Variants in ADCK1 observed in about 807,000 individuals in gnomAD.
The protein encoded by ADCK1 is aarF domain containing kinase 1, also known as aarF domain-containing protein kinase 1.
ADCK1 carries 41 observed loss-of-function variants against 52.3 expected under a neutral mutation model. The ratio of observed to expected loss-of-function variants is 0.78; its 90% CI spans 0.61 to 1.02. ADCK1 has a LOEUF of 1.02. Among genes scored for constraint, ADCK1 ranks in the 50% least tolerant of loss-of-function variants. ADCK1 has a pLI of 0.00. For missense variants in ADCK1, 658 were observed against 679.5 expected (o/e 0.97, Z 0.35); for synonymous variants, 250 against 274.6 (o/e 0.91, Z 0.89).
chr14:77,813,017 T>G (rs1477470933), intron 1 of ADCK1, among the ~76,000 whole-genome samples: 1 of 152,110 alleles, frequency 6.6e-6, no homozygotes, highest in Non-Finnish European at 1.5e-5. Context: ...AAATTTTTTT[T>G]TTGAGGCGAA....
chr14:77,894,736 G>GTTTTTTTT lies in ADCK1; in HGVS notation c.583-4343_583-4336dup. ...TTATTTCTTTTTCTTTTCTTTTCTT[G>GTTTTTTTT]TTTTTTTTTTTTTTTTTTTTTTTTT... On this transcript the variant is annotated intron_variant, in intron 5 of 10. Transcript: ENST00000238561. Among the ~76,000 whole-genome samples, 38 of 36,470 alleles carry GTTTTTTTT rather than the reference G, an allele frequency of 1.0e-3. 3 individuals carry two copies. Among genetic ancestry groups the GTTTTTTTT allele is most frequent in the African/African-American group, 2.3e-3 (31 of 13,282 alleles). 23.9% of individuals were successfully genotyped at this position (36,470 alleles called of 152,430 possible). A position where few individuals can be genotyped will look rare whatever the true frequency, so the allele number is the denominator to read the frequency against.
rs1566667179 is a variant in ADCK1 at position 77,852,669 on chromosome 14, A to ATATATATTTATATATATATATATATAT, written c.220-6400_220-6399insTTATATATATATATATATATTATATAT. On this transcript the variant is annotated intron_variant, in intron 3 of 10. Coordinates refer to ENST00000238561, the MANE Select transcript of ADCK1 (RefSeq NM_020421.4). ...TTTCTTTAAATAAATAAATATATAT[A>ATATATATTTATATATATATATATATAT]TATATATATATATATATATATATAT... Among the ~76,000 whole-genome samples, 63 of 9,408 alleles carry ATATATATTTATATATATATATATATAT rather than the reference A, an allele frequency of 6.7e-3. No homozygotes were observed. In the East Asian group the frequency reaches 0.14, roughly 21 times the overall value. 6.2% of individuals were successfully genotyped at this position (9,408 alleles called of 152,430 possible).
chr14:77,853,240 C>T lies in ADCK1; in HGVS notation c.220-5836C>T, dbSNP rs371744667. On this transcript the variant is annotated intron_variant, in intron 3 of 10. Transcript: ENST00000238561. ...TCTCAAGCAATTGTCCTGCCTCTGCCTCCCAAGTAGCTGGGATTTCAGGTG... is the reference window on the plus strand; with the variant it reads ...TCTCAAGCAATTGTCCTGCCTCTGCTTCCCAAGTAGCTGGGATTTCAGGTG... 5.7e-4 allele frequency among the ~76,000 whole-genome samples: 87 copies of T among 152,026 alleles called. No homozygotes were observed. In the South Asian group the frequency reaches 0.017, roughly 29 times the overall value.
chr14:77,849,674 A>G (rs1397198478), intron 3 of ADCK1, among the ~76,000 whole-genome samples: 1 of 150,340 alleles, frequency 6.7e-6, no homozygotes, highest in Non-Finnish European at 1.5e-5. Flanking sequence ...CTGCTCTCGA[A>G]CTCCTGGCCT....
chr14:77,865,407 C>T (rs1256890307), intron 4 of ADCK1, among the ~76,000 whole-genome samples: 2 of 152,098 alleles, frequency 1.3e-5, no homozygotes, highest in Admixed American at 6.6e-5. Context: ...CCCTTGAACC[C>T]GGGAGGTGGA....
intron 7 of ADCK1, among the ~76,000 whole-genome samples, chr14:77,912,214 A>G (rs191061835): frequency 3.7e-4 from 56 of 152,248 alleles, no homozygotes; most frequent in African/African-American, 1.2e-3. Context: ...TAGGCTTTGC[A>G]TGACTTGGTA....
chr14:77,846,409 G>A (rs538603869), intron 3 of ADCK1, among the ~76,000 whole-genome samples: 27 of 152,314 alleles, frequency 1.8e-4, no homozygotes, highest in Middle Eastern at 3.4e-3. Context: ...GGGACCCAGG[G>A]AAGCCTTGAG....
chr14:77,820,099 GAAAC>G (rs1403382467), intron 2 of ADCK1, among the ~76,000 whole-genome samples: 1 of 152,142 alleles, frequency 6.6e-6, no homozygotes. Context: ...TTGAGGGGCA[GAAAC>G]AAACTGTCCC....
chr14:77,852,879 GTGTGTATATATATATATA>G (rs2082329893), intron 3 of ADCK1, among the ~76,000 whole-genome samples: 1 of 30,600 alleles, frequency 3.3e-5, no homozygotes, highest in Non-Finnish European at 6.2e-5. Flanking sequence ...AATCTTTTAT[GTGTGTATATATATATATA>G]TATATATATA....
intron 3 of ADCK1, among the ~76,000 whole-genome samples, chr14:77,828,544 T>C (rs1325934660): frequency 6.6e-6 from 1 of 152,182 alleles, no homozygotes; most frequent in African/African-American, 2.4e-5. Context: ...ATTATTGTTA[T>C]TATTATTAAG....
intron 3 of ADCK1, among the ~76,000 whole-genome samples, chr14:77,844,574 A>G (rs2082138863): frequency 6.6e-6 from 1 of 152,184 alleles, no homozygotes; most frequent in African/African-American, 2.4e-5. Flanking sequence ...AGGTCCACCA[A>G]GAGCAGACTC....
chr14:77,884,062 C>T (rs183642072), intron 4 of ADCK1, among the ~76,000 whole-genome samples: 43 of 152,310 alleles, frequency 2.8e-4, no homozygotes, highest in Middle Eastern at 3.4e-3. Context: ...CCTAGTGATG[C>T]CATGTCACTC....
intron 2 of ADCK1, 143 bp downstream of exon 2, chr14:77,819,256 G>T (rs1194708809): frequency 9.6e-6 from 11 of 1,141,702 alleles, no homozygotes; most frequent in Non-Finnish European, 1.1e-5. Context: ...ATCTGCACAG[G>T]TGTACACATA....
chr14:77,814,133 C>G (rs1235756687), intron 1 of ADCK1, among the ~76,000 whole-genome samples: 2 of 151,544 alleles, frequency 1.3e-5, no homozygotes, highest in Non-Finnish European at 2.9e-5. Flanking sequence ...GGCTGGGGTG[C>G]AGTGGCGCAA....
intron 5 of ADCK1, among the ~76,000 whole-genome samples, chr14:77,898,673 A>T (rs2083463828): frequency 6.6e-6 from 1 of 152,174 alleles, no homozygotes; most frequent in South Asian, 2.1e-4. Flanking sequence ...GAGCATTAGG[A>T]AAAAGAGCTA....
intron 5 of ADCK1, among the ~76,000 whole-genome samples, chr14:77,891,497 C>CT (rs1163352127): frequency 1.1e-4 from 17 of 152,214 alleles, no homozygotes; most frequent in African/African-American, 3.6e-4. Context: ...TGCTGGCTCC[C>CT]TAAGTAATGG....
intron 9 of ADCK1, among the ~76,000 whole-genome samples, chr14:77,927,855 G>A (rs2084232934): frequency 6.6e-6 from 1 of 152,228 alleles, no homozygotes; most frequent in Non-Finnish European, 1.5e-5. Flanking sequence ...TCATCACGCA[G>A]GGTCTTAAAA....
At chr14:77,802,514 G>T (rs1045972919) in intron 1 of ADCK1, among the ~76,000 whole-genome samples, 3 of 151,814 alleles carry the variant, frequency 2.0e-5, no homozygotes, top group Admixed American at 6.6e-5. Context: ...GCAGTGGCAC[G>T]ATCTTGGCTC....
intron 3 of ADCK1, among the ~76,000 whole-genome samples, chr14:77,844,728 T>C (rs188752034): frequency 1.3e-5 from 2 of 152,216 alleles, no homozygotes; most frequent in African/African-American, 4.8e-5. Flanking sequence ...AATAATCTAC[T>C]TGGAGTTGGG....
Sources: allele counts gnomAD v4.1 joint callset (sites outside exome capture counted in the v4.1 genomes callset), GRCh38; gene constraint gnomAD v4.1.1; transcripts MANE v1.5; gene names NCBI Gene and HGNC (gene_info 2026-07-23, HGNC 2026-07-21).